GALNT13: variants seen among roughly 807,000 people sequenced by gnomAD.
GALNT13 encodes UDP-GalNAc:polypeptide N-acetylgalactosaminyltransferase 13.
GALNT13 carries 28 observed loss-of-function variants against 64.2 expected under a neutral mutation model. The observed-to-expected ratio is 0.44, with a 90% confidence interval of 0.32 to 0.60. GALNT13 has a LOEUF of 0.60. Among genes scored for constraint, GALNT13 ranks in the 20% least tolerant of loss-of-function variants. The probability of loss-of-function intolerance (pLI) is 0.05; values close to 1 mark genes in which losing one functional copy is unlikely to be tolerated. For missense variants in GALNT13, 577 were observed against 669.8 expected (o/e 0.86, Z 1.53); for synonymous variants, 214 against 224.6 (o/e 0.95, Z 0.42).
At chr2:153,250,785 A>G in the GALNT13 span, among the ~76,000 whole-genome samples, 10 of 152,156 alleles carry the variant, frequency 6.6e-5, no homozygotes, top group Non-Finnish European at 4.4e-5. Flanking sequence ...CAAGAGCAGA[A>G]AACCAAACAC....
the GALNT13 span, among the ~76,000 whole-genome samples, chr2:153,583,952 T>C: frequency 6.6e-6 from 1 of 152,148 alleles, no homozygotes; most frequent in African/African-American, 2.4e-5. Context: ...GAAGTCCTGA[T>C]CTTTAGACGG....
the GALNT13 span, among the ~76,000 whole-genome samples, chr2:153,130,996 A>G: frequency 1.3e-5 from 2 of 152,178 alleles, no homozygotes; most frequent in Non-Finnish European, 2.9e-5. Flanking sequence ...CCACAAACAT[A>G]TGCCTGTAAC....
At chr2:153,614,727 T>G in the GALNT13 span, among the ~76,000 whole-genome samples, 1 of 152,148 alleles carries the variant, frequency 6.6e-6, no homozygotes, top group African/African-American at 2.4e-5. Flanking sequence ...TTTGGTTTTA[T>G]AATTTATTTT....
At chr2:153,647,349 T>C in the GALNT13 span, among the ~76,000 whole-genome samples, 1 of 152,210 alleles carries the variant, frequency 6.6e-6, no homozygotes, top group East Asian at 1.9e-4. Flanking sequence ...GAGTTCATTG[T>C]AGATTCTGGA....
chr2:154,068,919 C>T (rs1445906552), intron 3 of GALNT13, among the ~76,000 whole-genome samples: 3 of 151,724 alleles, frequency 2.0e-5, no homozygotes, highest in East Asian at 1.9e-4. Flanking sequence ...GATTGTAATA[C>T]AAAGAAAAGA....
At chr2:153,142,559 C>T in the GALNT13 span, among the ~76,000 whole-genome samples, 1 of 151,748 alleles carries the variant, frequency 6.6e-6, no homozygotes, top group Non-Finnish European at 1.5e-5. Flanking sequence ...TAATATGTCC[C>T]AATTTTAGAA....
the GALNT13 span, among the ~76,000 whole-genome samples, chr2:153,340,144 C>T: frequency 1.9e-3 from 295 of 152,056 alleles, 6 homozygotes; most frequent in Non-Finnish European, 2.6e-3. Flanking sequence ...AAGGTCATTG[C>T]GATTTGGTAG....
intron 3 of GALNT13, among the ~76,000 whole-genome samples, chr2:153,963,765 G>C (rs901288247): frequency 6.7e-6 from 1 of 149,714 alleles, no homozygotes; most frequent in African/African-American, 2.5e-5. Flanking sequence ...GTGTGTGTGT[G>C]TGTGTGTGTG....
At chr2:154,023,074 T>G (rs139561038) in intron 3 of GALNT13, among the ~76,000 whole-genome samples, 8,005 of 152,292 alleles carry the variant, frequency 0.053, 287 homozygotes, top group South Asian at 0.11. Flanking sequence ...TTATAATTTC[T>G]GTTCTTTTAC....
chr2:153,126,934 C>T, the GALNT13 span, among the ~76,000 whole-genome samples: 14,448 of 150,228 alleles, frequency 0.096, 783 homozygotes, highest in African/African-American at 0.13. Flanking sequence ...CATAATTTTT[C>T]GTTGGCTGGC....
chr2:153,303,812 A>G, the GALNT13 span, among the ~76,000 whole-genome samples: 1 of 152,068 alleles, frequency 6.6e-6, no homozygotes, highest in Admixed American at 6.6e-5. Context: ...GGATAGATAG[A>G]GGAATTCACA....
At chr2:153,873,105 T>C (rs1487655025) in intron 1 of GALNT13, among the ~76,000 whole-genome samples, 1 of 152,224 alleles carries the variant, frequency 6.6e-6, no homozygotes, top group Admixed American at 6.5e-5. Context: ...CTGCCCCGTC[T>C]TCCCGAACAC....
intron 9 of GALNT13, among the ~76,000 whole-genome samples, chr2:154,392,033 A>G (rs539876552): frequency 1.6e-4 from 24 of 152,340 alleles, no homozygotes; most frequent in African/African-American, 5.8e-4. Flanking sequence ...ACAGACAGAA[A>G]AAAAGAAGTA....
intron 8 of GALNT13, among the ~76,000 whole-genome samples, chr2:154,275,083 T>A (rs1691568529): frequency 6.6e-6 from 1 of 152,088 alleles, no homozygotes; most frequent in African/African-American, 2.4e-5. Context: ...ATTTAGGGTA[T>A]CTGGCAGAAG....
chr2:154,117,991 A>G (rs562912874), intron 3 of GALNT13, among the ~76,000 whole-genome samples: 1 of 152,270 alleles, frequency 6.6e-6, no homozygotes, highest in Admixed American at 6.5e-5. Context: ...TTCTGTTGTT[A>G]TCTGTTGGTT....
At chr2:153,544,859 C>T in the GALNT13 span, among the ~76,000 whole-genome samples, 1 of 152,080 alleles carries the variant, frequency 6.6e-6, no homozygotes, top group Non-Finnish European at 1.5e-5. Flanking sequence ...TTAACAAAAT[C>T]GGTTATAATC....
chr2:154,162,940 C>A (rs370312753), intron 4 of GALNT13, among the ~76,000 whole-genome samples: 29 of 151,352 alleles, frequency 1.9e-4, no homozygotes, highest in African/African-American at 6.5e-4. Context: ...AACTCTGTCT[C>A]AACCCACATT....
chr2:153,433,909 A>T, the GALNT13 span, among the ~76,000 whole-genome samples: 24 of 152,144 alleles, frequency 1.6e-4, no homozygotes, highest in African/African-American at 5.1e-4. Flanking sequence ...TACATGTGCC[A>T]TGTTGGTGTG....
At chr2:153,856,970 C>G in the GALNT13 span, among the ~76,000 whole-genome samples, 1 of 151,964 alleles carries the variant, frequency 6.6e-6, no homozygotes, top group South Asian at 2.1e-4. Context: ...CGCATGAACA[C>G]AGAATTGGGC....
Sources: allele counts gnomAD v4.1 joint callset (sites outside exome capture counted in the v4.1 genomes callset), GRCh38; gene constraint gnomAD v4.1.1; transcripts MANE v1.5; gene names NCBI Gene and HGNC (gene_info 2026-07-23, HGNC 2026-07-21).